The following CPEB4 variants were observed in gnomAD, a reference collection of about 807,000 sequenced individuals.
CPEB4 encodes cytoplasmic polyadenylation element-binding protein 4.
A neutral mutation model predicts 72.5 loss-of-function variants in CPEB4; 12 were observed. That is an observed-to-expected ratio of 0.17 (90% CI 0.11 to 0.27). The LOEUF is 0.27. CPEB4 is among the 10% of genes least tolerant of loss of function. CPEB4 has a pLI of 1.00. For missense variants in CPEB4, 614 were observed against 908.5 expected (o/e 0.68, Z 4.17); for synonymous variants, 302 against 326.3 (o/e 0.93, Z 0.80).
At chr5:173,894,467 A>G (rs1755929592) in intron 1 of CPEB4, among the ~76,000 whole-genome samples, 1 of 151,812 alleles carries the variant, frequency 6.6e-6, no homozygotes, top group African/African-American at 2.4e-5. Flanking sequence ...CTAAAAATAC[A>G]AAAATTAGCT....
intron 2 of CPEB4, among the ~76,000 whole-genome samples, chr5:173,923,655 A>G (rs1757146087): frequency 6.6e-6 from 1 of 151,340 alleles, no homozygotes; most frequent in Admixed American, 6.6e-5. Flanking sequence ...TTTTTCTACT[A>G]CTTGGTCTGT....
At chr5:173,936,790 GTA>G (rs913911361) in intron 3 of CPEB4, among the ~76,000 whole-genome samples, 1 of 149,406 alleles carries the variant, frequency 6.7e-6, no homozygotes, top group African/African-American at 2.5e-5. Context: ...CACCACCTCT[GTA>G]TAAAAATGCT....
At chr5:173,892,037 C>CTA (rs1755832068) in intron 1 of CPEB4, among the ~76,000 whole-genome samples, 1 of 151,220 alleles carries the variant, frequency 6.6e-6, no homozygotes, top group South Asian at 2.1e-4. Context: ...TACACATGTG[C>CTA]TACAGCTAGA....
intron 1 of CPEB4, among the ~76,000 whole-genome samples, chr5:173,909,263 TTTTGTTTTGC>T (rs1756552816): frequency 6.6e-6 from 1 of 152,232 alleles, no homozygotes. Flanking sequence ...TTTTGTTTTG[TTTTGTTTTGC>T]TTTCTCATCT....
intron 2 of CPEB4, among the ~76,000 whole-genome samples, chr5:173,930,010 A>T (rs529914414): frequency 6.6e-6 from 1 of 152,008 alleles, no homozygotes; most frequent in Non-Finnish European, 1.5e-5. Context: ...ATCAGCTGCT[A>T]CTTTTAGTTG....
At chr5:173,899,789 C>T (rs1175384704) in intron 1 of CPEB4, among the ~76,000 whole-genome samples, 1 of 152,160 alleles carries the variant, frequency 6.6e-6, no homozygotes, top group Non-Finnish European at 1.5e-5. Context: ...TTTTAGACTG[C>T]ATCAACTTTT....
chr5:173,908,266 G>A (rs578227738), intron 1 of CPEB4, among the ~76,000 whole-genome samples: 1 of 152,296 alleles, frequency 6.6e-6, no homozygotes, highest in South Asian at 2.1e-4. Context: ...GTATACTCCT[G>A]CCTCTCTATA....
intron 1 of CPEB4, among the ~76,000 whole-genome samples, chr5:173,903,836 G>A (rs1367681868): frequency 6.6e-6 from 1 of 151,942 alleles, no homozygotes; most frequent in African/African-American, 2.4e-5. Flanking sequence ...TTATTCAGGT[G>A]TATACTAAAA....
At chr5:173,897,325 ATTTTAATGGAGAATTTATGATTTTTCAGT>A (rs1272296952) in intron 1 of CPEB4, among the ~76,000 whole-genome samples, 1 of 152,240 alleles carries the variant, frequency 6.6e-6, no homozygotes, top group African/African-American at 2.4e-5. Flanking sequence ...AGGAGACTAC[ATTTTAATGGAGAATTTATGATTTTTCAGT>A]AAGAGATATG....
chr5:173,892,791 T>G (rs1244058579), intron 1 of CPEB4, among the ~76,000 whole-genome samples: 2 of 152,196 alleles, frequency 1.3e-5, no homozygotes, highest in Non-Finnish European at 2.9e-5. Context: ...TTTGAACAGT[T>G]TCTTTGGAGA....
Position 173,960,447 on chromosome 5 carries a change from A to G in CPEB4, c.*4310A>G, listed in dbSNP as rs536529465. 4.6e-5 allele frequency: 7 copies of G among 152,548 alleles called. No homozygotes were observed. Among genetic ancestry groups the G allele is most frequent in the Admixed American group, 6.5e-5 (1 of 15,310 alleles). 9.4% of individuals were successfully genotyped at this position (152,548 alleles called of 1,614,324 possible). A position where few individuals can be genotyped will look rare whatever the true frequency, so the allele number is the denominator to read the frequency against. On this transcript the variant is annotated 3_prime_UTR_variant, in exon 10 of 10. Coordinates refer to ENST00000265085, the MANE Select transcript of CPEB4 (RefSeq NM_030627.4). The stretch of plus-strand genomic sequence containing the variant: ...CCAATAGGAAAAAATCTTCAGTCAT[A>G]TAAGTACTGTGGCCAGTGTGCATTC...
chr5:173,932,534 A>AAGGG, intron 3 of CPEB4, 34 bp downstream of exon 3: 2 of 1,527,122 alleles, frequency 1.3e-6, no homozygotes, highest in African/African-American at 2.7e-5. Context: ...AGTGAAGTGC[A>AAGGG]CAAAACTGAT....
At chr5:173,918,695 A>G (rs1025145998) in intron 2 of CPEB4, among the ~76,000 whole-genome samples, 16 of 152,338 alleles carry the variant, frequency 1.1e-4, no homozygotes, top group Middle Eastern at 6.8e-3. Flanking sequence ...ATACTAGTCA[A>G]TCGAAAATAG....
At chr5:173,947,757 C>T (rs72812842) in intron 5 of CPEB4, among the ~76,000 whole-genome samples, 33,752 of 151,968 alleles carry the variant, frequency 0.22, 4,958 homozygotes, top group Non-Finnish European at 0.31. Context: ...ACTGTGAAGA[C>T]TTAGAAATAA....
At chr5:173,923,734 T>C (rs1014426320) in intron 2 of CPEB4, among the ~76,000 whole-genome samples, 25 of 152,266 alleles carry the variant, frequency 1.6e-4, no homozygotes, top group Admixed American at 3.3e-4. Context: ...CTGGCTTAGC[T>C]TGGACAAAAA....
At chr5:173,924,217 T>G (rs1288747025) in intron 2 of CPEB4, among the ~76,000 whole-genome samples, 1 of 152,234 alleles carries the variant, frequency 6.6e-6, no homozygotes, top group Non-Finnish European at 1.5e-5. Flanking sequence ...TTTGGGGTTT[T>G]GGTTCAAAAT....
At position 173,961,695 on chromosome 5, in the gene CPEB4, A is replaced by G. The variant is rs532588134; in HGVS notation, c.*5558A>G. ...GTGTTTGTGTCCACAGCTAGATCAG[A>G]AAGTAAGTACTTTTTCTAGGGATTT... On this transcript the variant is annotated 3_prime_UTR_variant, in exon 10 of 10. Coordinates refer to ENST00000265085, the MANE Select transcript of CPEB4 (RefSeq NM_030627.4). 175 of 150,992 alleles carry G rather than the reference A, an allele frequency of 1.2e-3. 1 individual carries two copies. Among genetic ancestry groups the G allele is most frequent in the African/African-American group, 4.1e-3 (166 of 40,944 alleles). 9.4% of individuals were successfully genotyped at this position (150,992 alleles called of 1,614,324 possible). A position where few individuals can be genotyped will look rare whatever the true frequency, so the allele number is the denominator to read the frequency against.
At chr5:173,953,991 A>C (rs1479361819) in intron 9 of CPEB4, among the ~76,000 whole-genome samples, 3 of 152,060 alleles carry the variant, frequency 2.0e-5, no homozygotes, top group South Asian at 4.1e-4. Flanking sequence ...ACTGGGCACA[A>C]TGTTTGGTCC....
chr5:173,937,019 CTTTTTTTT>C (rs150187685), intron 3 of CPEB4, among the ~76,000 whole-genome samples: 1 of 97,214 alleles, frequency 1.0e-5, no homozygotes. Flanking sequence ...CATTTCTTTC[CTTTTTTTT>C]TTTTTTTTTT....
Sources: gnomAD v4.1 joint callset for allele counts (sites outside exome capture counted in the v4.1 genomes callset) on GRCh38, gnomAD v4.1.1 for gene constraint, MANE v1.5 for transcripts, NCBI Gene and HGNC (gene_info 2026-07-23, HGNC 2026-07-21) for gene names.